Variants in TTN observed in about 807,000 individuals in gnomAD.
TTN encodes titin, also known as connectin.
TTN carries 1,525 observed loss-of-function variants against 3,223.0 expected under a neutral mutation model. That is an observed-to-expected ratio of 0.47 (90% confidence interval 0.45 to 0.49). TTN has a LOEUF of 0.49. Ranked by LOEUF, TTN falls within the 20% of genes least tolerant of loss-of-function variation. The pLI is 0.00. For missense variants in TTN, 40,786 were observed against 43,424.0 expected (o/e 0.94, Z 5.40); for synonymous variants, 14,094 against 15,161.0 (o/e 0.93, Z 5.17).
In TTN at chr2:178,542,866, T is replaced by G; in HGVS notation, c.96988A>C (p.Ile32330Leu). 6.2e-7 allele frequency: 1 copy of G among 1,613,756 alleles called. No homozygotes were observed. Among genetic ancestry groups the G allele is most frequent in the South Asian group, 1.1e-5 (1 of 91,066 alleles). ...AGRPVELVIP[I>L]AGRPPPAASW... ...GCAGCAGGAGGTGGACGGCCAGCAA[T>G]AGGTATCACCAGCTCTACTGGTCTG... The change falls in exon 348 of 363, where the codon ATT becomes CTT. Residue 32330 changes from isoleucine to leucine, a missense_variant. By Grantham distance (5) the Ile-to-Leu change is conservative. Transcript: ENST00000589042.
At position 178,559,821 on chromosome 2, in the gene TTN, A is replaced by G. The variant is rs369269686; in HGVS notation, c.86311T>C (p.Ser28771Pro). 5.6e-6 allele frequency: 9 copies of G among 1,610,348 alleles called. No homozygotes were observed. In the African/African-American group the frequency reaches 1.2e-4, roughly 22 times the overall value. Residue 28771 changes from serine to proline, a missense_variant, in exon 326 of 363, where the codon TCA (serine) becomes CCA (proline). Ser to Pro is a moderately conservative substitution (Grantham distance 74). Coordinates refer to ENST00000589042, the MANE Select transcript of TTN (RefSeq NM_001267550.2). Reference protein sequence around the residue: ...RKTLIVKAGASFTMTVPFRGR... With the variant: ...RKTLIVKAGAPFTMTVPFRGR... ...CGGAAAGGCACAGTCATGGTAAATG[A>G]GGCACCAGCCTTGACAATCAAGGTC...
At position 178,715,694 on chromosome 2, in the gene TTN, C is replaced by G; in HGVS notation, c.25720G>C (p.Gly8574Arg). Reference sequence around the variant, plus strand: ...AAAACTTTGATTTCTGGAGACCCACCGATTTTGCATTCATACCTTGTGAAT... The same window carrying G: ...AAAACTTTGATTTCTGGAGACCCACGGATTTTGCATTCATACCTTGTGAAT... Reference protein sequence around the residue: ...DEFTRYECKIGGSPEIKVLWY... With the variant: ...DEFTRYECKIRGSPEIKVLWY... Residue 8574 changes from glycine to arginine, a missense_variant, in exon 89 of 363, where the codon GGT becomes CGT. Coordinates refer to ENST00000589042, the MANE Select transcript of TTN (RefSeq NM_001267550.2). 1 of 1,609,890 alleles carries G rather than the reference C, an allele frequency of 6.2e-7. No homozygotes were observed.
Position 178,533,960 on chromosome 2 carries a change from T to C in TTN, c.102655A>G (p.Ser34219Gly). 1.2e-6 allele frequency: 2 copies of C among 1,613,916 alleles called. No homozygotes were observed. The highest frequency in any genetic ancestry group is 1.7e-6 in the Non-Finnish European group (2 of 1,179,848). ...TTAACAAATAGCTCTGCATAAGAAC[T>C]GTCTTCACCATAGTCATTGACTACT... is the stretch of plus-strand genomic sequence containing the variant. ...CKVVNDYGEDSSYAELFVKGV... is the reference protein window; with the variant it reads ...CKVVNDYGEDGSYAELFVKGV... Residue 34219 changes from serine to glycine, a missense_variant, in exon 358 of 363, where the codon AGT becomes GGT. By Grantham distance (56) the Ser-to-Gly change is moderately conservative. Coordinates refer to ENST00000589042, the MANE Select transcript of TTN (RefSeq NM_001267550.2).
rs1691396278 is a variant in TTN, at chr2:178,536,128, C to A, written c.100619G>T (p.Gly33540Val). Residue 33540 changes from glycine (G) to valine (V), a missense_variant, in exon 357 of 363, where the codon GGA becomes GTA. Transcript: ENST00000589042. ...AAATTCTTGAATCCTATATTTTAATCCATCTGCAATGATTTCTTTGCCTTG... is the reference window on the plus strand; with the variant it reads ...AAATTCTTGAATCCTATATTTTAATACATCTGCAATGATTTCTTTGCCTTG... ...YRQGKEIIAD[G>V]LKYRIQEFKG... 1 of 1,613,630 alleles carries A rather than the reference C, an allele frequency of 6.2e-7. No individual in the cohort carries two copies.
rs1188206043 is a variant in TTN, at chr2:178,557,494, C to T, written c.87768G>A (p.Val29256=). The T allele has an allele frequency of 6.2e-7, 1 of 1,613,780 alleles. No homozygotes were observed. Residue 29256 remains valine (V), a synonymous_variant, in exon 329 of 363, where the codon GTG becomes GTA. Coordinates refer to ENST00000589042, the MANE Select transcript of TTN (RefSeq NM_001267550.2). ...CATTTGACACTGGTTCATGCCAGCC[C>T]ACAGTGATGCTTTCTCGAGTAACAT... ...VTNVTRESIT[V]GWHEPVSNGG...
In TTN at chr2:178,727,108, T is replaced by TA; in HGVS notation, c.20256dup (p.Thr6753TyrfsTer12). 1 of 1,587,864 alleles carries TA rather than the reference T, an allele frequency of 6.3e-7. No individual in the cohort carries two copies. Among genetic ancestry groups the TA allele is most frequent in the Non-Finnish European group, 8.6e-7 (1 of 1,164,628 alleles). On this transcript the variant is annotated frameshift_variant, in exon 69 of 363. Transcript: ENST00000589042. LOFTEE classifies it high-confidence loss of function. ...TGTCTACCTTTTACTATAACCTTGG[T>TA]ACTGCAGCTTGTGCTGCCAGCGGGA... is the stretch of plus-strand genomic sequence containing the variant.
At chr2:178,559,173 C>T in intron 326 of TTN, 138 bp downstream of exon 326, 3 of 711,422 alleles carry the variant, frequency 4.2e-6, no homozygotes, top group South Asian at 2.6e-5. Context: ...CATTTTGTGC[C>T]ATAGTATGAA....
chr2:178,785,567 T>C lies in TTN; in HGVS notation c.2493+53A>G, dbSNP rs1268931322. The C allele has an allele frequency of 1.9e-6, 3 of 1,611,306 alleles. No homozygotes were observed. In the African/African-American group the frequency reaches 4.0e-5, roughly 22 times the overall value. ...CCCCAGAGATGCTCTGTTTCACAGGTTAGATACTTATTTCCTTTAAACATT... is the reference window on the plus strand; with the variant it reads ...CCCCAGAGATGCTCTGTTTCACAGGCTAGATACTTATTTCCTTTAAACATT... On this transcript the variant is annotated intron_variant, in intron 15 of 362. Transcript: ENST00000589042.
Position 178,587,610 on chromosome 2 carries a change from G to A in TTN, c.63699C>T (p.Ile21233=), listed in dbSNP as rs759722233. 8 of 1,612,486 alleles carry A rather than the reference G, an allele frequency of 5.0e-6. No individual in the cohort carries two copies. The highest frequency in any genetic ancestry group is 6.8e-6 in the Non-Finnish European group (8 of 1,179,392). ...DLVDTMAFLV[I]PNSTRDDSGK... ...CTGAGTCATCACGGGTAGAATTGGG[G>A]ATGACAAGGAAGGCCATAGTGTCAA... Residue 21233 remains isoleucine (I), a synonymous_variant, in exon 306 of 363, where the codon ATC becomes ATT. Transcript: ENST00000589042.
At position 178,633,060 on chromosome 2, in the gene TTN, G is replaced by T; in HGVS notation, c.43087-16C>A. On this transcript the variant is annotated splice_polypyrimidine_tract_variant and intron_variant, in intron 233 of 362. Coordinates refer to ENST00000589042, the MANE Select transcript of TTN (RefSeq NM_001267550.2). The stretch of plus-strand genomic sequence containing the variant: ...TTTCACAGTCCTGTTTGGAGTGAGG[G>T]TTAGAAGGAAAGAAAGAACATCATT... 6.2e-7 allele frequency: 1 copy of T among 1,608,180 alleles called. No individual in the cohort carries two copies. Among genetic ancestry groups the T allele is most frequent in the Non-Finnish European group, 8.5e-7 (1 of 1,177,578 alleles).
intron 361 of TTN, 46 bp downstream of exon 361, chr2:178,528,228 C>A: frequency 1.3e-6 from 2 of 1,574,998 alleles, no homozygotes; most frequent in South Asian, 2.4e-5. Flanking sequence ...AAAAAACGAT[C>A]TAAAGGCCTT....
At position 178,689,875 on chromosome 2, in the gene TTN, G is replaced by A; in HGVS notation, c.31784C>T (p.Pro10595Leu). Reference protein sequence around the residue: ...PPKVPEVPKKPVPEEKIPVPV... With the variant: ...PPKVPEVPKKLVPEEKIPVPV... ...AACGGGAATCTTTTCTTCAGGGACA[G>A]GTTTCTTTGGCACCTCTGGGACTTA... The change falls in exon 122 of 363, where the codon CCT becomes CTT. Residue 10595 changes from proline to leucine, a missense_variant. By Grantham distance (98) the Pro-to-Leu change is moderately conservative (BLOSUM62 -3). Transcript: ENST00000589042. The A allele has an allele frequency of 6.2e-7, 1 of 1,613,378 alleles. No individual in the cohort carries two copies. Among genetic ancestry groups the A allele is most frequent in the Non-Finnish European group, 8.5e-7 (1 of 1,179,566 alleles).
In TTN at chr2:178,565,316, A is replaced by T. The variant is rs1705331466; in HGVS notation, c.80816T>A (p.Ile26939Asn). 2 of 1,613,574 alleles carry T rather than the reference A, an allele frequency of 1.2e-6. No individual in the cohort carries two copies. Among genetic ancestry groups the T allele is most frequent in the East Asian group, 4.5e-5 (2 of 44,842 alleles). Residue 26939 changes from isoleucine to asparagine, a missense_variant, in exon 326 of 363, where the codon ATT becomes AAT. Physicochemically the swap from Ile to Asn is moderately radical, Grantham distance 149. Transcript: ENST00000589042. ...EETATSTVLH[I>N]KEGNKDDFGK... is the part of the protein sequence containing the mutation. ...AAAGTCATCTTTGTTACCTTCTTTA[A>T]TGTGCAAAACAGTTGAGGTAGCTGT... is the stretch of plus-strand genomic sequence containing the variant.
rs1244702659 is a variant in TTN, at chr2:178,590,319, T to A, written c.61406A>T (p.Asp20469Val). Residue 20469 changes from aspartate to valine, a missense_variant, in exon 304 of 363, where the codon GAT (aspartate) becomes GTT (valine). By Grantham distance (152) the Asp-to-Val change is radical. Transcript: ENST00000589042. ...RELAESVIAK[D>V]ILHPPEVELD... ...TTCTACTTCTGGAGGATGAAGGATA[T>A]CTTTTGCAATCACAGATTCTGCTAG... 6.4e-7 allele frequency: 1 copy of A among 1,569,524 alleles called. No individual in the cohort carries two copies. The highest frequency in any genetic ancestry group is 2.3e-5 in the East Asian group (1 of 44,426).
Position 178,534,233 on chromosome 2 carries a change from C to G in TTN, c.102382G>C (p.Val34128Leu), listed in dbSNP as rs753871187. The change falls in exon 358 of 363, where the codon GTT (valine) becomes CTT (leucine). Residue 34128 changes from valine (V) to leucine (L), a missense_variant. Physicochemically the swap from Val to Leu is conservative, Grantham distance 32 (BLOSUM62 1). Transcript: ENST00000589042. ...CCAATTTCAATGGATGCCACTTTAA[C>G]TTTAGCAACACTCACTCCCTTCTGA... The part of the protein sequence containing the change: ...RSQKGVSVAK[V>L]KVASIEIGPV... 9 of 1,613,988 alleles carry G rather than the reference C, an allele frequency of 5.6e-6. No homozygotes were observed. The South Asian group carries it at 9.9e-5, about 18-fold the overall frequency.
At position 178,792,070 on chromosome 2, in the gene TTN, A is replaced by G; in HGVS notation, c.1662+2T>C. The G allele has an allele frequency of 6.2e-7, 1 of 1,611,862 alleles. No individual in the cohort carries two copies. Among genetic ancestry groups the G allele is most frequent in the Non-Finnish European group, 8.5e-7 (1 of 1,178,840 alleles). On this transcript the variant is annotated splice_donor_variant, in intron 10 of 362. Coordinates refer to ENST00000589042, the MANE Select transcript of TTN (RefSeq NM_001267550.2). LOFTEE classifies it high-confidence loss of function. ...ACAAAATATTTAGAAAATCAGACTT[A>G]CTGCTTCTTGAGTTACTTGTTTCTG... is the stretch of plus-strand genomic sequence containing the variant.
rs1320141997 is a variant in TTN, at chr2:178,741,232, G to T, written c.12001C>A (p.Pro4001Thr). ...NGSGTFIVND[P>T]QREDSGLYIC... ...TAGAGGCCACTGTCTTCCCTCTGAG[G>T]GTCATTGACAATGAAAGTTCCAGAG... Residue 4001 changes from proline (P) to threonine (T), a missense_variant, in exon 48 of 363, where the codon CCT becomes ACT. Physicochemically the swap from Pro to Thr is conservative, Grantham distance 38. Transcript: ENST00000589042. The T allele has an allele frequency of 6.2e-7, 1 of 1,613,494 alleles. No homozygotes were observed. Among genetic ancestry groups the T allele is most frequent in the South Asian group, 1.1e-5 (1 of 91,070 alleles).
At chr2:178,778,505 G>A (rs1171625323) in intron 24 of TTN, 1 of 330,304 alleles carries the variant, frequency 3.0e-6, no homozygotes, top group South Asian at 2.9e-5. Flanking sequence ...CAGGCTGGAT[G>A]AATTAAGACA....
rs1695610406 is a variant in TTN at position 178,543,547 on chromosome 2, A to C, written c.96426T>G (p.Val32142=). 1 of 1,612,170 alleles carries C rather than the reference A, an allele frequency of 6.2e-7. No homozygotes were observed. ...DGGAPVNNYI[V]EKREAAMRAF... The stretch of plus-strand genomic sequence containing the variant: ...CTCTCATAGCAGCTTCACGCTTCTC[A>C]ACGATGTAATTGTTGACTGGAGCTC... The change falls in exon 347 of 363, where the codon GTT becomes GTG. Residue 32142 remains valine (V), a synonymous_variant. Coordinates refer to ENST00000589042, the MANE Select transcript of TTN (RefSeq NM_001267550.2).
Sources: gnomAD v4.1 joint callset for allele counts on GRCh38, gnomAD v4.1.1 for gene constraint, MANE v1.5 for transcripts, NCBI Gene and HGNC (gene_info 2026-07-23, HGNC 2026-07-21) for gene names.